The following RBMS1 variants were observed in gnomAD, a reference collection of about 807,000 sequenced individuals.
RBMS1 encodes the protein RNA binding motif single stranded interacting protein 1.
A neutral mutation model predicts 62.3 loss-of-function variants in RBMS1; 17 were observed. That is an observed-to-expected ratio of 0.27 (90% CI 0.19 to 0.41). RBMS1 has a LOEUF of 0.41. Ranked by LOEUF, RBMS1 falls within the 10% of genes least tolerant of loss-of-function variation. The pLI, the probability that RBMS1 is intolerant of heterozygous loss-of-function variation, is 1.00. For synonymous variants in RBMS1, 172 were observed against 170.0 expected, an observed-to-expected ratio of 1.01 and a Z score of -0.09; for missense variants, 334 against 504.5, an observed-to-expected ratio of 0.66 and a Z score of 3.24.
chr2:160,296,215 G>A (rs906922690), intron 6 of RBMS1, among the ~76,000 whole-genome samples: 1 of 151,992 alleles, frequency 6.6e-6, no homozygotes, highest in Non-Finnish European at 1.5e-5. Flanking sequence ...GATGTTGATG[G>A]GAAAACAATA....
chr2:160,467,672 T>A (rs1007444909), intron 1 of RBMS1, among the ~76,000 whole-genome samples: 2 of 152,172 alleles, frequency 1.3e-5, no homozygotes, highest in Non-Finnish European at 2.9e-5. Context: ...CAAGTTTTCA[T>A]CAGGTCTAAA....
At chr2:160,285,112 C>T (rs142326941) in intron 7 of RBMS1, 68 bp from the exon 8 acceptor site, 24,173 of 1,492,532 alleles carry the variant, frequency 0.016, 312 homozygotes, top group Non-Finnish European at 0.017. Flanking sequence ...CTATTTTTAG[C>T]CAGGTGTGGT....
intron 2 of RBMS1, among the ~76,000 whole-genome samples, chr2:160,351,065 C>CT (rs1223266334): frequency 6.6e-6 from 1 of 151,630 alleles, no homozygotes; most frequent in African/African-American, 2.4e-5. Flanking sequence ...GCTCAGCAAA[C>CT]TATCTCAAGG....
intron 1 of RBMS1, among the ~76,000 whole-genome samples, chr2:160,434,782 T>C (rs1574053653): frequency 6.6e-6 from 1 of 152,358 alleles, no homozygotes; most frequent in Non-Finnish European, 1.5e-5. Flanking sequence ...ATGGCAATTA[T>C]CTTGCGGCCA....
chr2:160,438,437 T>C (rs1683211917), intron 1 of RBMS1, among the ~76,000 whole-genome samples: 1 of 151,740 alleles, frequency 6.6e-6, no homozygotes, highest in Non-Finnish European at 1.5e-5. Context: ...CCTGGGTACT[T>C]GAGATTAGGG....
Position 160,379,787 on chromosome 2 carries a change from ATC to A in RBMS1, c.76-12398_76-12397del, listed in dbSNP as rs747271083. On this transcript the variant is annotated intron_variant, in intron 1 of 13. Coordinates refer to ENST00000348849, the MANE Select transcript of RBMS1 (RefSeq NM_016836.4). ...AAAGCTAATCATAAAGCATCATTTC[ATC>A]TCTTTTACCAAAATGTGCACATTGC... Among the ~76,000 whole-genome samples the A allele has an allele frequency of 5.3e-5, 8 of 152,174 alleles. No homozygotes were observed. The East Asian group carries it at 5.8e-4, about 11-fold the overall frequency.
chr2:160,354,985 C>A (rs1470261055), intron 2 of RBMS1, among the ~76,000 whole-genome samples: 1 of 152,232 alleles, frequency 6.6e-6, no homozygotes, highest in Non-Finnish European at 1.5e-5. Context: ...CCTTTCCTCC[C>A]ACTCAGTTCC....
At chr2:160,308,152 T>C (rs1163904462) in intron 4 of RBMS1, among the ~76,000 whole-genome samples, 1 of 152,120 alleles carries the variant, frequency 6.6e-6, no homozygotes, top group Non-Finnish European at 1.5e-5. Flanking sequence ...GGCTCATGCT[T>C]ACAATCCTAG....
At position 160,386,703 on chromosome 2, in the gene RBMS1, G is replaced by A. The variant is rs572992821; in HGVS notation, c.76-19312C>T. Among the ~76,000 whole-genome samples, 12 of 152,212 alleles carry A rather than the reference G, an allele frequency of 7.9e-5. No individual in the cohort carries two copies. In the South Asian group the frequency reaches 2.5e-3, roughly 32 times the overall value. ...AGTCAGCAGTCTACCACCCAGAAGAGAGCCCTCACCAGAACCCGATCATGT... is the reference window on the plus strand; with the variant it reads ...AGTCAGCAGTCTACCACCCAGAAGAAAGCCCTCACCAGAACCCGATCATGT... On this transcript the variant is annotated intron_variant, in intron 1 of 13. Coordinates refer to ENST00000348849, the MANE Select transcript of RBMS1 (RefSeq NM_016836.4).
At chr2:160,410,066 C>CA (rs1193908253) in intron 1 of RBMS1, among the ~76,000 whole-genome samples, 2 of 151,220 alleles carry the variant, frequency 1.3e-5, no homozygotes, top group African/African-American at 4.9e-5. Context: ...ACTAAAAATA[C>CA]AAAAAATTAG....
chr2:160,395,578 C>G (rs898812913), intron 1 of RBMS1, among the ~76,000 whole-genome samples: 3 of 146,176 alleles, frequency 2.1e-5, no homozygotes, highest in Non-Finnish European at 4.5e-5. Context: ...GAGCTGAGAT[C>G]GCGCCACTGC....
intron 1 of RBMS1, among the ~76,000 whole-genome samples, chr2:160,399,136 T>C (rs893835990): frequency 2.0e-5 from 3 of 152,200 alleles, no homozygotes; most frequent in Non-Finnish European, 4.4e-5. Flanking sequence ...TTACCTGAAA[T>C]GTCGCCTTCC....
At chr2:160,340,131 CTAATTTTTCA>C (rs567793074) in intron 2 of RBMS1, among the ~76,000 whole-genome samples, 115 of 152,124 alleles carry the variant, frequency 7.6e-4, no homozygotes, top group Non-Finnish European at 1.4e-3. Flanking sequence ...TTATTTTTTT[CTAATTTTTCA>C]TGACCTATGT....
At chr2:160,437,867 T>C (rs1189569222) in intron 1 of RBMS1, among the ~76,000 whole-genome samples, 2 of 152,248 alleles carry the variant, frequency 1.3e-5, no homozygotes, top group African/African-American at 4.8e-5. Context: ...ATATTGATAC[T>C]ACCTCATTTA....
At chr2:160,377,075 A>T (rs909954668) in intron 1 of RBMS1, among the ~76,000 whole-genome samples, 5 of 150,862 alleles carry the variant, frequency 3.3e-5, no homozygotes, top group Admixed American at 6.6e-5. Flanking sequence ...ACTGCCTGAG[A>T]ATGGGGCTTG....
At chr2:160,329,163 CCCTGTGA>C (rs1270196308) in intron 2 of RBMS1, among the ~76,000 whole-genome samples, 1 of 152,104 alleles carries the variant, frequency 6.6e-6, no homozygotes, top group Non-Finnish European at 1.5e-5. Flanking sequence ...ATCCTGACTG[CCCTGTGA>C]CCTTGAAAAG....
intron 2 of RBMS1, among the ~76,000 whole-genome samples, chr2:160,342,627 A>C (rs1242878053): frequency 1.3e-5 from 2 of 152,002 alleles, no homozygotes; most frequent in Non-Finnish European, 2.9e-5. Context: ...GTGAAAAAAT[A>C]ATTATTGGCT....
chr2:160,441,933 A>C (rs1683426819), intron 1 of RBMS1, among the ~76,000 whole-genome samples: 1 of 152,196 alleles, frequency 6.6e-6, no homozygotes, highest in Non-Finnish European at 1.5e-5. Flanking sequence ...CACCTTTTTC[A>C]AGGTTACTAG....
chr2:160,355,023 A>G (rs1175556918), intron 2 of RBMS1, among the ~76,000 whole-genome samples: 4 of 152,122 alleles, frequency 2.6e-5, no homozygotes, highest in African/African-American at 7.2e-5. Context: ...TTTCGTCTCA[A>G]AAGTCTCCAG....
Sources: gnomAD v4.1 joint callset for allele counts (sites outside exome capture counted in the v4.1 genomes callset) on GRCh38, gnomAD v4.1.1 for gene constraint, MANE v1.5 for transcripts, NCBI Gene and HGNC (gene_info 2026-07-23, HGNC 2026-07-21) for gene names.